RPS6KC1: variants seen among roughly 807,000 people sequenced by gnomAD.
The protein encoded by RPS6KC1 is ribosomal protein S6 kinase C1.
A neutral mutation model predicts 103.8 loss-of-function variants in RPS6KC1; 54 were observed. The observed-to-expected ratio is 0.52, with a 90% confidence interval of 0.42 to 0.65. The LOEUF (loss-of-function observed/expected upper bound fraction) is 0.65, where lower values mean the gene tolerates loss of function less well. Ranked by LOEUF, RPS6KC1 falls within the 30% of genes least tolerant of loss-of-function variation. The pLI, the probability that RPS6KC1 is intolerant of heterozygous loss-of-function variation, is 0.00. For synonymous variants in RPS6KC1, 439 were observed against 438.7 expected (o/e 1.00, Z -0.01); for missense variants, 1,151 against 1,253.8 (o/e 0.92, Z 1.24).
chr1:213,501,540 G>A, the RPS6KC1 span, among the ~76,000 whole-genome samples: 2 of 151,920 alleles, frequency 1.3e-5, no homozygotes, highest in Admixed American at 6.6e-5. Flanking sequence ...AAGAAAAAAT[G>A]CCAGCCTGGC....
chr1:213,278,319 G>A (rs1219439305), downstream of RPS6KC1, among the ~76,000 whole-genome samples: 1 of 152,008 alleles, frequency 6.6e-6, no homozygotes, highest in Non-Finnish European at 1.5e-5. Flanking sequence ...AAGAATTGGA[G>A]CCTGTTTCAG....
chr1:213,431,475 C>G, the RPS6KC1 span, among the ~76,000 whole-genome samples: 4 of 152,216 alleles, frequency 2.6e-5, no homozygotes, highest in East Asian at 7.7e-4. Context: ...TCCACTCTCC[C>G]CTAAAGCTAA....
At chr1:213,488,952 A>T in the RPS6KC1 span, among the ~76,000 whole-genome samples, 1 of 152,368 alleles carries the variant, frequency 6.6e-6, no homozygotes, top group Middle Eastern at 3.4e-3. Context: ...CCCAAATTAA[A>T]TCTGAAGTAA....
At chr1:213,557,315 A>C in the RPS6KC1 span, among the ~76,000 whole-genome samples, 1 of 152,274 alleles carries the variant, frequency 6.6e-6, no homozygotes, top group Admixed American at 6.5e-5. Context: ...CTTTTTCCTA[A>C]GTCAGGCCTC....
chr1:213,806,203 G>A, the RPS6KC1 span, among the ~76,000 whole-genome samples: 1 of 152,244 alleles, frequency 6.6e-6, no homozygotes, highest in Admixed American at 6.5e-5. Flanking sequence ...GTGGTGGTGG[G>A]CACCTGTAGT....
the RPS6KC1 span, among the ~76,000 whole-genome samples, chr1:213,812,968 G>A: frequency 1.3e-5 from 2 of 152,090 alleles, no homozygotes; most frequent in Non-Finnish European, 2.9e-5. Flanking sequence ...GGCTAAAGAT[G>A]TCGGCCGGGC....
the RPS6KC1 span, among the ~76,000 whole-genome samples, chr1:213,406,595 A>G: frequency 1.3e-5 from 2 of 152,136 alleles, no homozygotes; most frequent in Non-Finnish European, 2.9e-5. Context: ...TGTTGGATTA[A>G]TCACTTCCCT....
the RPS6KC1 span, among the ~76,000 whole-genome samples, chr1:213,802,938 G>A: frequency 6.6e-6 from 1 of 152,144 alleles, no homozygotes; most frequent in Non-Finnish European, 1.5e-5. Context: ...TAAATTTGTG[G>A]AAGGAATTGT....
rs74139166 is a variant in RPS6KC1, at chr1:213,261,096, A to G, written c.2912-462A>G. Among the ~76,000 whole-genome samples the G allele has an allele frequency of 4.1e-3, 618 of 152,332 alleles. 4 individuals carry two copies. The highest frequency in any genetic ancestry group is 0.014 in the African/African-American group (576 of 41,570). ...GTTCTCCTACAATGTGACATTGGAC[A>G]AGGCATTTCGTCTCTCTGGTTTCTA... On this transcript the variant is annotated intron_variant, in intron 12 of 14. Transcript: ENST00000366960.
chr1:213,500,853 T>C, the RPS6KC1 span, among the ~76,000 whole-genome samples: 6 of 151,792 alleles, frequency 4.0e-5, no homozygotes, highest in African/African-American at 1.4e-4. Flanking sequence ...AGGGTGTCTA[T>C]ATGTAAAACA....
chr1:213,595,780 A>G, the RPS6KC1 span, among the ~76,000 whole-genome samples: 5 of 152,240 alleles, frequency 3.3e-5, no homozygotes, highest in African/African-American at 1.2e-4. Context: ...GGCATTCTCA[A>G]AATTCAGCTA....
the RPS6KC1 span, among the ~76,000 whole-genome samples, chr1:213,734,732 G>C: frequency 0.022 from 3,286 of 152,310 alleles, 127 homozygotes; most frequent in African/African-American, 0.074. Context: ...TTGAGTGACA[G>C]AGAGTATCAA....
chr1:213,102,285 G>T (rs1052718281), intron 3 of RPS6KC1, among the ~76,000 whole-genome samples: 1 of 152,092 alleles, frequency 6.6e-6, no homozygotes, highest in African/African-American at 2.4e-5. Context: ...ATGTAGTCTC[G>T]CTATGTTGCC....
chr1:213,496,629 G>A, the RPS6KC1 span, among the ~76,000 whole-genome samples: 13 of 152,242 alleles, frequency 8.5e-5, no homozygotes, highest in South Asian at 2.1e-4. Context: ...ATGGTGGTAC[G>A]TGCCTATAAT....
At chr1:213,291,572 G>T in the RPS6KC1 span, among the ~76,000 whole-genome samples, 1 of 152,206 alleles carries the variant, frequency 6.6e-6, no homozygotes, top group African/African-American at 2.4e-5. Flanking sequence ...GTCAGGTAAA[G>T]AAAAATATGT....
chr1:213,083,203 G>T (rs1277470543), intron 3 of RPS6KC1, among the ~76,000 whole-genome samples: 2 of 152,200 alleles, frequency 1.3e-5, no homozygotes, highest in African/African-American at 4.8e-5. Context: ...TGGAAGGAAG[G>T]CTAAAAACAA....
In RPS6KC1 at chr1:213,095,307, G is replaced by A. The variant is rs11120088; in HGVS notation, c.263-9147G>A. Among the ~76,000 whole-genome samples the A allele has an allele frequency of 3.6e-3, 544 of 152,248 alleles. 4 individuals carry two copies. The highest frequency in any genetic ancestry group is 0.012 in the African/African-American group (511 of 41,524). On this transcript the variant is annotated intron_variant, in intron 3 of 14. Coordinates refer to ENST00000366960, the MANE Select transcript of RPS6KC1 (RefSeq NM_012424.6). ...CTTTTGATATAGTTAAGAATCATCA[G>A]CATTAAGCTTTTCTAGATAATTTCA...
At chr1:213,129,039 C>T (rs1374863216) in intron 5 of RPS6KC1, among the ~76,000 whole-genome samples, 1 of 152,090 alleles carries the variant, frequency 6.6e-6, no homozygotes, top group African/African-American at 2.4e-5. Context: ...CTCATGCCAT[C>T]TAAGCTACTC....
At chr1:213,513,792 A>G in the RPS6KC1 span, among the ~76,000 whole-genome samples, 1 of 152,252 alleles carries the variant, frequency 6.6e-6, no homozygotes, top group Non-Finnish European at 1.5e-5. Context: ...AATATTGTAC[A>G]AAGTGGAGAG....
Sources: gnomAD v4.1 joint callset for allele counts (sites outside exome capture counted in the v4.1 genomes callset) on GRCh38, gnomAD v4.1.1 for gene constraint, MANE v1.5 for transcripts, NCBI Gene and HGNC (gene_info 2026-07-23, HGNC 2026-07-21) for gene names.